Variants in DSCAM observed in about 807,000 individuals in gnomAD.
DSCAM encodes cell adhesion molecule DSCAM.
DSCAM carries 47 observed loss-of-function variants against 217.7 expected under a neutral mutation model. That is an observed-to-expected ratio of 0.22 (90% CI 0.17 to 0.28). DSCAM has a LOEUF of 0.28. Ranked by LOEUF, DSCAM falls within the 10% of genes least tolerant of loss-of-function variation. The probability of loss-of-function intolerance (pLI) is 1.00; values close to 1 mark genes in which losing one functional copy is unlikely to be tolerated. For synonymous variants in DSCAM, 1,056 were observed against 1,015.3 expected (o/e 1.04, Z -0.76); for missense variants, 2,080 against 2,618.3 (o/e 0.79, Z 4.49).
rs573999932 is a variant in DSCAM at position 40,239,899 on chromosome 21, C to T, written c.2356+36198G>A. On this transcript the variant is annotated intron_variant, in intron 11 of 32. Transcript: ENST00000400454. ...TAACACCTGCCCATTCCAGGGGGTA[C>T]ATACGCAGGGGCCTCTCCAGGCGAG... Among the ~76,000 whole-genome samples, 32 of 152,284 alleles carry T rather than the reference C, an allele frequency of 2.1e-4. No individual in the cohort carries two copies. The South Asian group carries it at 6.0e-3, about 29-fold the overall frequency.
chr21:40,749,619 T>C (rs1395838510), intron 1 of DSCAM, among the ~76,000 whole-genome samples: 1 of 152,160 alleles, frequency 6.6e-6, no homozygotes, highest in Non-Finnish European at 1.5e-5. Context: ...TTCCACGCTG[T>C]TGGTGAGAAT....
chr21:40,522,698 A>G (rs2146091501), intron 3 of DSCAM, among the ~76,000 whole-genome samples: 1 of 152,322 alleles, frequency 6.6e-6, no homozygotes, highest in South Asian at 2.1e-4. Context: ...ACTTCGCTTT[A>G]AGAAGTTATC....
rs5844037 is a variant in DSCAM, at chr21:40,739,781, GTT to G, written c.44-31012_44-31011del. Among the ~76,000 whole-genome samples, 1,208 of 144,290 alleles carry G rather than the reference GTT, an allele frequency of 8.4e-3. 16 individuals are homozygous for G. The highest frequency in any genetic ancestry group is 0.026 in the African/African-American group (1,040 of 39,792). The allele number at this position is 144,290 out of a possible 152,430, so 94.7% of individuals were successfully genotyped here. A position where few individuals can be genotyped will look rare whatever the true frequency, so the allele number is the denominator to read the frequency against. ...AAATCAGTTAAAACTTAGAGAATTAGTTTTTTTTTTTTTTTCCCCCAGAAAAG... is the reference window on the plus strand; with the variant it reads ...AAATCAGTTAAAACTTAGAGAATTAGTTTTTTTTTTTTTCCCCCAGAAAAG... On this transcript the variant is annotated intron_variant, in intron 1 of 32. Transcript: ENST00000400454.
chr21:40,368,986 A>C, intron 4 of DSCAM, 113 bp downstream of exon 4: 1 of 1,202,452 alleles, frequency 8.3e-7, no homozygotes, highest in Non-Finnish European at 1.1e-6. Context: ...ATTTTGGAAA[A>C]GGAATTGAAG....
chr21:40,041,670 G>A (rs936692238), intron 32 of DSCAM, among the ~76,000 whole-genome samples: 15 of 152,018 alleles, frequency 9.9e-5, no homozygotes, highest in Admixed American at 5.2e-4. Context: ...TTCACAACCC[G>A]GACGATTCAC....
chr21:40,365,742 C>G (rs991225773), intron 4 of DSCAM, among the ~76,000 whole-genome samples: 1 of 152,142 alleles, frequency 6.6e-6, no homozygotes, highest in African/African-American at 2.4e-5. Flanking sequence ...AAACTCACTT[C>G]TTGTGGCTGT....
intron 15 of DSCAM, among the ~76,000 whole-genome samples, chr21:40,177,216 C>A (rs961314387): frequency 6.6e-6 from 1 of 152,150 alleles, no homozygotes. Context: ...CTATTTTTTG[C>A]AGAAGCAGAT....
At chr21:40,584,610 GC>G (rs909140802) in intron 3 of DSCAM, among the ~76,000 whole-genome samples, 9 of 152,120 alleles carry the variant, frequency 5.9e-5, no homozygotes, top group Non-Finnish European at 1.2e-4. Context: ...CCTCAAAGAA[GC>G]AGCAGGGACT....
rs563077008 is a variant in DSCAM at position 40,337,245 on chromosome 21, G to C, written c.1783+856C>G. Among the ~76,000 whole-genome samples, 9 of 152,268 alleles carry C rather than the reference G, an allele frequency of 5.9e-5. No individual in the cohort carries two copies. The South Asian group carries it at 1.2e-3, about 21-fold the overall frequency. ...AAAGCCACTTATTGGTTCCTGGAGA[G>C]AGAACTTGGACACCTCAGACAGGCA... is the stretch of plus-strand genomic sequence containing the variant. On this transcript the variant is annotated intron_variant, in intron 8 of 32. Coordinates refer to ENST00000400454, the MANE Select transcript of DSCAM (RefSeq NM_001389.5).
At chr21:40,570,701 C>G (rs1372944797) in intron 3 of DSCAM, among the ~76,000 whole-genome samples, 1 of 152,128 alleles carries the variant, frequency 6.6e-6, no homozygotes, top group African/African-American at 2.4e-5. Context: ...AAGCAAAACT[C>G]AGATGGAACT....
At chr21:40,146,341 C>T (rs1239867375) in intron 16 of DSCAM, among the ~76,000 whole-genome samples, 2 of 152,036 alleles carry the variant, frequency 1.3e-5, no homozygotes, top group Non-Finnish European at 2.9e-5. Flanking sequence ...GGGTGCACAC[C>T]TGCCCAGCGG....
chr21:40,449,237 C>T (rs1311467019), intron 3 of DSCAM, among the ~76,000 whole-genome samples: 1 of 152,194 alleles, frequency 6.6e-6, no homozygotes, highest in Non-Finnish European at 1.5e-5. Context: ...CATTTAACTG[C>T]AGCTGCACCC....
chr21:40,584,178 T>C (rs1006539890), intron 3 of DSCAM, among the ~76,000 whole-genome samples: 1 of 152,170 alleles, frequency 6.6e-6, no homozygotes, highest in Non-Finnish European at 1.5e-5. Context: ...TGAACTTGCC[T>C]GTTGGGGTCA....
intron 20 of DSCAM, among the ~76,000 whole-genome samples, chr21:40,105,965 T>A (rs116221256): frequency 0.018 from 2,798 of 152,332 alleles, 81 homozygotes; most frequent in African/African-American, 0.057. Flanking sequence ...TACTTGATCA[T>A]GGTGGATAAG....
intron 3 of DSCAM, among the ~76,000 whole-genome samples, chr21:40,655,016 G>A (rs933856492): frequency 2.6e-5 from 4 of 152,134 alleles, no homozygotes; most frequent in Non-Finnish European, 5.9e-5. Flanking sequence ...CTGGAAATGC[G>A]TATTTGTACT....
At chr21:40,398,495 T>G (rs538786294) in intron 3 of DSCAM, among the ~76,000 whole-genome samples, 1 of 152,148 alleles carries the variant, frequency 6.6e-6, no homozygotes, top group African/African-American at 2.4e-5. Context: ...TACAAAATGA[T>G]TGGAGCTGGA....
chr21:40,176,288 G>A (rs2090729493), intron 15 of DSCAM, among the ~76,000 whole-genome samples: 1 of 152,070 alleles, frequency 6.6e-6, no homozygotes, highest in Admixed American at 6.6e-5. Context: ...ATTGGGCTCT[G>A]GGGAGTCACT....
chr21:40,353,852 T>C, intron 4 of DSCAM, 109 bp from the exon 5 acceptor site: 2 of 969,782 alleles, frequency 2.1e-6, no homozygotes, highest in Non-Finnish European at 2.8e-6. Flanking sequence ...TACCAACTAT[T>C]GATACAGATC....
chr21:40,388,827 G>A (rs959562534), intron 3 of DSCAM, among the ~76,000 whole-genome samples: 3 of 152,082 alleles, frequency 2.0e-5, no homozygotes, highest in Non-Finnish European at 4.4e-5. Context: ...AGCAAATCTT[G>A]CTTTTTAATT....
Sources: gnomAD v4.1 joint callset for allele counts (sites outside exome capture counted in the v4.1 genomes callset) on GRCh38, gnomAD v4.1.1 for gene constraint, MANE v1.5 for transcripts, NCBI Gene and HGNC (gene_info 2026-07-23, HGNC 2026-07-21) for gene names.